Variants in LRBA observed in about 807,000 individuals in gnomAD.
LRBA encodes lipopolysaccharide-responsive and beige-like anchor protein.
LRBA carries 176 observed loss-of-function variants against 330.0 expected under a neutral mutation model. The observed-to-expected ratio is 0.53, with a 90% confidence interval of 0.47 to 0.60. LRBA has a LOEUF of 0.60. Ranked by LOEUF, LRBA falls within the 20% of genes least tolerant of loss-of-function variation. LRBA has a pLI of 0.00. For missense variants in LRBA, 3,259 were observed against 3,444.8 expected, an observed-to-expected ratio of 0.95 and a Z score of 1.35; for synonymous variants, 1,230 against 1,193.0, an observed-to-expected ratio of 1.03 and a Z score of -0.64.
intron 34 of LRBA, among the ~76,000 whole-genome samples, chr4:150,794,128 AG>A (rs1740404130): frequency 6.6e-6 from 1 of 152,230 alleles, no homozygotes; most frequent in African/African-American, 2.4e-5. Flanking sequence ...GCTTAGGGAA[AG>A]AAAAAGCATG....
intron 2 of LRBA, among the ~76,000 whole-genome samples, chr4:151,001,555 C>T (rs1431404351): frequency 6.6e-6 from 1 of 152,074 alleles, no homozygotes; most frequent in Non-Finnish European, 1.5e-5. Flanking sequence ...CCCCACCTGC[C>T]GCTACCACCA....
intron 34 of LRBA, among the ~76,000 whole-genome samples, chr4:150,789,695 G>C (rs1739619816): frequency 6.6e-6 from 1 of 152,088 alleles, no homozygotes; most frequent in Non-Finnish European, 1.5e-5. Flanking sequence ...AGTTATCAGA[G>C]AGTTTGGTAT....
In LRBA at chr4:150,844,654, T is replaced by C; in HGVS notation, c.4461+4A>G. 6.2e-7 allele frequency: 1 copy of C among 1,609,374 alleles called. No individual in the cohort carries two copies. Among genetic ancestry groups the C allele is most frequent in the Non-Finnish European group, 8.5e-7 (1 of 1,177,542 alleles). On this transcript the variant is annotated splice_donor_region_variant and intron_variant, in intron 27 of 56. Coordinates refer to ENST00000651943, the MANE Select transcript of LRBA (RefSeq NM_001364905.1). The stretch of plus-strand genomic sequence containing the variant: ...TTTGAAAATTAATTAATCTGTATAC[T>C]TACCTTCGCTGCAGATTTCCCTAAA...
chr4:150,689,873 C>G (rs1282220012), intron 36 of LRBA, among the ~76,000 whole-genome samples: 1 of 151,130 alleles, frequency 6.6e-6, no homozygotes, highest in African/African-American at 2.4e-5. Context: ...TGCAGCAAGC[C>G]GAGATTGTGC....
intron 47 of LRBA, among the ~76,000 whole-genome samples, chr4:150,398,565 G>A (rs1273021290): frequency 3.9e-5 from 6 of 151,958 alleles, no homozygotes; most frequent in African/African-American, 1.4e-4. Context: ...TATTAATTAA[G>A]AGGCATTCAT....
intron 34 of LRBA, among the ~76,000 whole-genome samples, chr4:150,776,606 G>T (rs1225816840): frequency 1.3e-5 from 2 of 152,070 alleles, no homozygotes; most frequent in Non-Finnish European, 2.9e-5. Context: ...CTGAGGCCAG[G>T]AATTCAAGAC....
At chr4:150,897,934 G>C in intron 14 of LRBA, 116 bp from the exon 15 acceptor site, 1 of 685,788 alleles carries the variant, frequency 1.5e-6, no homozygotes, top group Non-Finnish European at 2.6e-6. Flanking sequence ...TATAAAGGTA[G>C]GTCTCCTACA....
intron 20 of LRBA, among the ~76,000 whole-genome samples, 189 bp downstream of exon 20, chr4:150,870,336 C>T (rs1034322878): frequency 1.3e-5 from 2 of 152,102 alleles, no homozygotes; most frequent in Non-Finnish European, 2.9e-5. Context: ...TAAGAATTTC[C>T]ACATAACTTA....
chr4:150,489,065 AATATATT>A (rs1305663083), intron 41 of LRBA, among the ~76,000 whole-genome samples: 2 of 115,340 alleles, frequency 1.7e-5, no homozygotes, highest in Non-Finnish European at 3.3e-5. Flanking sequence ...AAGAATATAT[AATATATT>A]ATATATAATA....
chr4:150,389,915 T>A (rs898856286), intron 47 of LRBA, among the ~76,000 whole-genome samples: 89 of 85,258 alleles, frequency 1.0e-3, no homozygotes, highest in Non-Finnish European at 2.5e-3. Flanking sequence ...CTGGGTATTT[T>A]TTTTTTTTTT....
chr4:150,690,132 TATA>T (rs1783986259), intron 36 of LRBA, among the ~76,000 whole-genome samples: 1 of 152,140 alleles, frequency 6.6e-6, no homozygotes, highest in African/African-American at 2.4e-5. Context: ...AAATTGATTT[TATA>T]TATTCAACAC....
At chr4:150,486,186 T>C (rs1236685433) in intron 42 of LRBA, among the ~76,000 whole-genome samples, 2 of 151,952 alleles carry the variant, frequency 1.3e-5, no homozygotes, top group Non-Finnish European at 2.9e-5. Context: ...CAAATCATCA[T>C]GAGGTAGACC....
chr4:150,325,758 A>G (rs1206912430), intron 49 of LRBA, 51 bp downstream of exon 49: 2 of 1,202,678 alleles, frequency 1.7e-6, no homozygotes, highest in East Asian at 4.7e-5. Context: ...ATGAATATCA[A>G]GCGGATCTGA....
intron 22 of LRBA, among the ~76,000 whole-genome samples, chr4:150,866,055 A>G (rs1417773070): frequency 6.6e-6 from 1 of 152,244 alleles, no homozygotes; most frequent in East Asian, 1.9e-4. Context: ...AAAATATCTT[A>G]GAATAATAAC....
chr4:150,654,129 A>G (rs2126781433), intron 37 of LRBA, among the ~76,000 whole-genome samples: 1 of 152,162 alleles, frequency 6.6e-6, no homozygotes, highest in Admixed American at 6.5e-5. Context: ...ATTCTATTTT[A>G]TAATTATATA....
intron 37 of LRBA, among the ~76,000 whole-genome samples, chr4:150,648,158 C>CAAAAAGAAAAAAAAAAAAAAAAAAAAAA (rs1779346849): frequency 5.5e-5 from 1 of 18,100 alleles, no homozygotes; most frequent in Non-Finnish European, 1.8e-4. Flanking sequence ...ACACAAGTAG[C>CAAAAAGAAAAAAAAAAAAAAAAAAAAAA]AAAAAAAAAA....
chr4:150,920,827 C>T (rs1156791403), intron 5 of LRBA, among the ~76,000 whole-genome samples: 1 of 151,732 alleles, frequency 6.6e-6, no homozygotes, highest in Non-Finnish European at 1.5e-5. Flanking sequence ...TCATTCTATA[C>T]ACAAGGTACA....
At chr4:150,670,187 T>C (rs1165522970) in intron 37 of LRBA, among the ~76,000 whole-genome samples, 1 of 152,224 alleles carries the variant, frequency 6.6e-6, no homozygotes, top group Non-Finnish European at 1.5e-5. Flanking sequence ...CTGTATTGTA[T>C]TGTACAGTAC....
chr4:150,410,165 G>A (rs1746770274), intron 47 of LRBA, among the ~76,000 whole-genome samples: 2 of 152,014 alleles, frequency 1.3e-5, no homozygotes, highest in African/African-American at 2.4e-5. Flanking sequence ...TCAGTGGGGG[G>A]CATGACAGTC....
Sources: allele counts gnomAD v4.1 joint callset (sites outside exome capture counted in the v4.1 genomes callset), GRCh38; gene constraint gnomAD v4.1.1; transcripts MANE v1.5; gene names NCBI Gene and HGNC (gene_info 2026-07-23, HGNC 2026-07-21).